The following MYT1L variants were observed in gnomAD, a reference collection of about 807,000 sequenced individuals.
MYT1L encodes myelin transcription factor 1-like protein.
Under a neutral mutation model 126.7 loss-of-function variants are expected in MYT1L, and 12 were observed. That is an observed-to-expected ratio of 0.09 (90% confidence interval 0.06 to 0.15). The LOEUF (loss-of-function observed/expected upper bound fraction) is 0.15. Ranked by LOEUF, MYT1L falls within the 10% of genes least tolerant of loss-of-function variation. The pLI is 1.00. For missense variants in MYT1L, 979 were observed against 1,585.2 expected, an observed-to-expected ratio of 0.62 and a Z score of 6.49; for synonymous variants, 541 against 604.2, an observed-to-expected ratio of 0.90 and a Z score of 1.53.
At chr2:2,290,333 G>GT (rs2095581204) in intron 1 of MYT1L, among the ~76,000 whole-genome samples, 1 of 152,166 alleles carries the variant, frequency 6.6e-6, no homozygotes, top group African/African-American at 2.4e-5. Flanking sequence ...GTCTGCTTTC[G>GT]TTTTTTAAAA....
In MYT1L at chr2:1,793,485, CTAAGTCCTCT is replaced by C. The variant is rs1259293467; in HGVS notation, c.3277-1031_3277-1022del. Among the ~76,000 whole-genome samples, 1 of 152,180 alleles carries C rather than the reference CTAAGTCCTCT, an allele frequency of 6.6e-6. No individual in the cohort carries two copies. The highest frequency in any genetic ancestry group is 1.9e-4 in the East Asian group (1 of 5,164). ...CCTCTCCTTCCCTGACGTGTCATTCCTAAGTCCTCTCACGAGAGTCTCTCCTCCTCTCCCT... is the reference window on the plus strand; with the variant it reads ...CCTCTCCTTCCCTGACGTGTCATTCCCACGAGAGTCTCTCCTCCTCTCCCT... On this transcript the variant is annotated intron_variant, in intron 23 of 24. Transcript: ENST00000647738. This position sits in a 1 kb window ranked among gnomAD's most constrained non-coding sequence, Gnocchi z 4.6.
chr2:1,833,258 G>A (rs1277107177), intron 21 of MYT1L, among the ~76,000 whole-genome samples: 2 of 152,326 alleles, frequency 1.3e-5, no homozygotes, highest in East Asian at 3.9e-4. Flanking sequence ...TCACTGTGAG[G>A]TTCTGGGCTC....
At chr2:1,968,665 C>T (rs564626187) in intron 8 of MYT1L, among the ~76,000 whole-genome samples, 117 of 152,274 alleles carry the variant, frequency 7.7e-4, no homozygotes, top group African/African-American at 2.6e-3. Context: ...ACAGAGCCTG[C>T]CAGGCCCCCA....
At chr2:1,883,164 A>G (rs2148809703) in intron 18 of MYT1L, among the ~76,000 whole-genome samples, 1 of 152,210 alleles carries the variant, frequency 6.6e-6, no homozygotes, top group South Asian at 2.1e-4. Flanking sequence ...GACTCGTGGT[A>G]TTATAAGATA....
intron 3 of MYT1L, among the ~76,000 whole-genome samples, chr2:2,158,650 C>CGTGT (rs1559176208): frequency 6.7e-6 from 1 of 149,598 alleles, no homozygotes; most frequent in East Asian, 1.9e-4. Context: ...CACACACACG[C>CGTGT]GTAGGTGGAC....
In MYT1L at chr2:1,929,300, G is replaced by A. The variant is rs2054637073; in HGVS notation, c.506-6037C>T. On this transcript the variant is annotated intron_variant, in intron 9 of 24. Coordinates refer to ENST00000647738, the MANE Select transcript of MYT1L (RefSeq NM_001303052.2). This position sits in a 1 kb window ranked among gnomAD's most constrained non-coding sequence, Gnocchi z 4.7. ...CCGGGATCAGCTATTCTCACTTCCA[G>A]CACGAGATCCCCGCACCCCTCCTCT... is the stretch of plus-strand genomic sequence containing the variant. 6.6e-6 allele frequency among the ~76,000 whole-genome samples: 1 copy of A among 152,066 alleles called. No homozygotes were observed. Among genetic ancestry groups the A allele is most frequent in the Non-Finnish European group, 1.5e-5 (1 of 68,016 alleles).
At chr2:2,032,551 C>T (rs574482134) in intron 4 of MYT1L, among the ~76,000 whole-genome samples, 2 of 146,746 alleles carry the variant, frequency 1.4e-5, no homozygotes, top group South Asian at 2.2e-4. Context: ...ACACATCCCT[C>T]CCCAGTGCCT....
intron 3 of MYT1L, among the ~76,000 whole-genome samples, chr2:2,170,864 G>A (rs1029465473): frequency 1.3e-5 from 2 of 152,194 alleles, no homozygotes; most frequent in African/African-American, 4.8e-5. Flanking sequence ...TGTTACCATA[G>A]CCCCGAAAGT....
intron 18 of MYT1L, among the ~76,000 whole-genome samples, chr2:1,876,033 C>T (rs2046857809): frequency 6.6e-6 from 1 of 152,156 alleles, no homozygotes; most frequent in Non-Finnish European, 1.5e-5. Flanking sequence ...ACAGTTCTGT[C>T]CACGTGCACA....
intron 2 of MYT1L, among the ~76,000 whole-genome samples, chr2:2,252,235 T>C (rs73913279): frequency 0.016 from 2,425 of 152,258 alleles, 64 homozygotes; most frequent in African/African-American, 0.056. Context: ...GTCCTGCCTC[T>C]GCTTACCTCT....
intron 21 of MYT1L, among the ~76,000 whole-genome samples, chr2:1,821,099 C>T (rs146005343): frequency 2.2e-4 from 34 of 152,290 alleles, no homozygotes; most frequent in African/African-American, 7.2e-4. Flanking sequence ...CCTACTGGTC[C>T]TGCTTCTCAG....
At chr2:1,877,051 A>G (rs954872940) in intron 18 of MYT1L, among the ~76,000 whole-genome samples, 3 of 152,142 alleles carry the variant, frequency 2.0e-5, no homozygotes, top group African/African-American at 7.2e-5. Flanking sequence ...GATAAATTAT[A>G]ACCCTGCAGC....
intron 18 of MYT1L, among the ~76,000 whole-genome samples, chr2:1,871,744 T>C (rs1313150117): frequency 6.6e-6 from 1 of 152,138 alleles, no homozygotes; most frequent in Non-Finnish European, 1.5e-5. Context: ...CAAGTATGTG[T>C]TGAAAAAATT....
chr2:1,814,216 C>A (rs1409850194), intron 21 of MYT1L, among the ~76,000 whole-genome samples: 1 of 152,044 alleles, frequency 6.6e-6, no homozygotes, highest in Non-Finnish European at 1.5e-5. Flanking sequence ...CCCTGGCACT[C>A]CCACTTGAGT....
At chr2:1,986,688 C>T (rs1387957095) in intron 5 of MYT1L, among the ~76,000 whole-genome samples, 3 of 152,234 alleles carry the variant, frequency 2.0e-5, no homozygotes, top group African/African-American at 7.2e-5. Context: ...CCCCAAAATA[C>T]CCACAAGAAG....
At chr2:2,259,691 T>C (rs2094912969) in intron 2 of MYT1L, among the ~76,000 whole-genome samples, 1 of 152,228 alleles carries the variant, frequency 6.6e-6, no homozygotes, top group South Asian at 2.1e-4. Flanking sequence ...CTAGTATCGA[T>C]CCATTCCAGG....
intron 3 of MYT1L, among the ~76,000 whole-genome samples, chr2:2,101,198 T>A (rs545678569): frequency 6.6e-4 from 98 of 147,998 alleles, no homozygotes; most frequent in Non-Finnish European, 1.3e-3. Context: ...TACATCATAT[T>A]TTTTTTTAAA....
intron 3 of MYT1L, among the ~76,000 whole-genome samples, chr2:2,103,633 G>A (rs79356707): frequency 1.3e-5 from 2 of 152,376 alleles, no homozygotes; most frequent in African/African-American, 2.4e-5. Flanking sequence ...ACGTGCAGAG[G>A]TGGGCTCTGC....
At chr2:2,328,944 A>G (rs2096268358) in intron 1 of MYT1L, among the ~76,000 whole-genome samples, 2 of 152,146 alleles carry the variant, frequency 1.3e-5, no homozygotes, top group African/African-American at 4.8e-5. Flanking sequence ...TCCTACTTCT[A>G]CCTCAACTAG....
Sources: allele counts gnomAD v4.1 joint callset (sites outside exome capture counted in the v4.1 genomes callset), GRCh38; gene constraint gnomAD v4.1.1; non-coding constraint Gnocchi (gnomAD v3.1); transcripts MANE v1.5; gene names NCBI Gene and HGNC (gene_info 2026-07-23, HGNC 2026-07-21).